Variants in CENPI observed in about 807,000 individuals in gnomAD.
CENPI encodes the protein FSH primary response 1.
Under a neutral mutation model 60.4 loss-of-function variants are expected in CENPI, and 4 were observed. That is an observed-to-expected ratio of 0.07 (90% CI 0.03 to 0.15). The LOEUF is 0.15. Ranked by LOEUF, CENPI falls within the 10% of genes least tolerant of loss-of-function variation. The probability of loss-of-function intolerance (pLI) is 1.00; values close to 1 mark genes in which losing one functional copy is unlikely to be tolerated. For missense variants in CENPI, 444 were observed against 534.5 expected (o/e 0.83, Z 1.67); for synonymous variants, 157 against 189.4 (o/e 0.83, Z 1.40).
At chrX:101,157,146 C>T (rs1371594407) in intron 20 of CENPI, among the ~76,000 whole-genome samples, 2 of 111,536 alleles carry the variant, frequency 1.8e-5, no homozygotes, top group African/African-American at 6.5e-5. Context: ...CCCTTTTCAC[C>T]GCATCCACGC....
rs183870796 is a variant in CENPI at position 101,149,798 on chromosome X, C to T, written c.2094+1637C>T. 2.2e-3 allele frequency among the ~76,000 whole-genome samples: 240 copies of T among 110,790 alleles called. 1 individual carries two copies. Among genetic ancestry groups the T allele is most frequent in the South Asian group, 5.0e-3 (13 of 2,614 alleles). On this transcript the variant is annotated intron_variant, in intron 20 of 21. Transcript: ENST00000682095. ...CTGAGATTATAGGCATGAGCCACCG[C>T]GCCCGGCCAGTGGTGCTTTTTCAAA...
intron 13 of CENPI, among the ~76,000 whole-genome samples, chrX:101,131,850 TG>T (rs1256729550): frequency 3.6e-5 from 4 of 111,961 alleles, no homozygotes; most frequent in Non-Finnish European, 5.6e-5. Context: ...TACATAATAT[TG>T]TATACATTTT....
In CENPI at chrX:101,163,131, C is replaced by A. The variant is rs921422236; in HGVS notation, c.*164C>A. 2.1e-6 allele frequency: 1 copy of A among 477,892 alleles called. No individual in the cohort carries two copies. 39.4% of individuals were successfully genotyped at this position (477,892 alleles called of 1,213,427 possible). ...CATGGCTTAGGAGAGCCTTGGTGTG[C>A]CTAACTGATTTTTCAAAATTTAGAT... is the stretch of plus-strand genomic sequence containing the variant. On this transcript the variant is annotated 3_prime_UTR_variant, in exon 22 of 22. Transcript: ENST00000682095.
At chrX:101,126,559 A>T in intron 8 of CENPI, 150 bp from the exon 9 acceptor site, 1 of 476,400 alleles carries the variant, frequency 2.1e-6, no homozygotes, top group Non-Finnish European at 3.7e-6. Context: ...ATGTCTGGTT[A>T]CTCATTCCTT....
chrX:101,171,997 A>G, the CENPI span, among the ~76,000 whole-genome samples: 9 of 112,065 alleles, frequency 8.0e-5, no homozygotes, highest in South Asian at 3.7e-4. Context: ...AACGGACCAA[A>G]TATCTGAATA....
chrX:101,102,800 C>T (rs757807741), intron 4 of CENPI, among the ~76,000 whole-genome samples: 1 of 108,688 alleles, frequency 9.2e-6, no homozygotes, highest in South Asian at 4.1e-4. Context: ...CTGCCTCAGC[C>T]TCCTGAGTAG....
chrX:101,152,246 G>C (rs770208172), intron 20 of CENPI, among the ~76,000 whole-genome samples: 1 of 108,921 alleles, frequency 9.2e-6, no homozygotes, highest in African/African-American at 3.3e-5. Flanking sequence ...TGTATTTTTA[G>C]TAGAGACGGG....
the CENPI span, among the ~76,000 whole-genome samples, chrX:101,171,756 T>A: frequency 9.0e-6 from 1 of 111,439 alleles, no homozygotes; most frequent in Non-Finnish European, 1.9e-5. Flanking sequence ...AACATAGGAG[T>A]ATATCGTTGT....
At chrX:101,178,405 T>C in the CENPI span, among the ~76,000 whole-genome samples, 5 of 74,284 alleles carry the variant, frequency 6.7e-5, no homozygotes, top group African/African-American at 1.0e-4. Flanking sequence ...CTTCTTTTTT[T>C]TTTTTTTTTT....
At chrX:101,110,229 A>G (rs997604357) in intron 6 of CENPI, among the ~76,000 whole-genome samples, 2 of 112,502 alleles carry the variant, frequency 1.8e-5, no homozygotes, top group African/African-American at 3.2e-5. Context: ...GAAAATTTTT[A>G]TCGTATTTAC....
intron 2 of CENPI, 143 bp from the exon 3 acceptor site, chrX:101,100,915 C>T (rs760824643): frequency 1.0e-4 from 42 of 417,221 alleles, no homozygotes; most frequent in Non-Finnish European, 1.7e-4. Flanking sequence ...GACTTTGTTT[C>T]CTGGATTGTT....
intron 15 of CENPI, among the ~76,000 whole-genome samples, chrX:101,138,270 G>A (rs2089870562): frequency 9.2e-6 from 1 of 108,768 alleles, no homozygotes; most frequent in Non-Finnish European, 1.9e-5. Flanking sequence ...TTACAAGTGT[G>A]GGTCACTGCA....
the CENPI span, among the ~76,000 whole-genome samples, chrX:101,178,361 C>T: frequency 9.6e-6 from 1 of 104,134 alleles, no homozygotes; most frequent in African/African-American, 3.5e-5. Flanking sequence ...CTTGAAGCCC[C>T]TTCCTTAGGA....
intron 2 of CENPI, chrX:101,100,152 A>C (rs1414310603): frequency 1.8e-5 from 2 of 110,831 alleles, no homozygotes; most frequent in Non-Finnish European, 3.8e-5. Context: ...GAGAGCAGAG[A>C]TCTTGATTGT....
chrX:101,181,410 A>T, the CENPI span, among the ~76,000 whole-genome samples: 2 of 112,398 alleles, frequency 1.8e-5, no homozygotes, highest in Non-Finnish European at 3.8e-5. Flanking sequence ...TACTGACTTA[A>T]AACAATTTTA....
In CENPI at chrX:101,135,727, T is replaced by G. The variant is rs772809360; in HGVS notation, c.1470+3271T>G. On this transcript the variant is annotated intron_variant, in intron 15 of 21. Coordinates refer to ENST00000682095, the MANE Select transcript of CENPI (RefSeq NM_001386188.2). The stretch of plus-strand genomic sequence containing the variant: ...TCCATTTGATTTTTGTATATTATGG[T>G]TTTTTTTTTCTTAGATGGAGTCTCG... Among the ~76,000 whole-genome samples the G allele has an allele frequency of 1.0e-4, 11 of 109,196 alleles. No homozygotes were observed. The East Asian group carries it at 2.9e-3, about 28-fold the overall frequency. The allele number at this position is 109,196 out of a possible 115,157, so 94.8% of individuals were successfully genotyped here.
intron 4 of CENPI, 81 bp downstream of exon 4, chrX:101,102,492 T>TAC (rs199742109): frequency 5.6e-5 from 17 of 301,333 alleles, no homozygotes; most frequent in Admixed American, 1.6e-4. Context: ...ATCTTATATA[T>TAC]ATATACACAC....
At chrX:101,135,311 G>A (rs1255763032) in intron 15 of CENPI, among the ~76,000 whole-genome samples, 1 of 110,967 alleles carries the variant, frequency 9.0e-6, no homozygotes, top group Non-Finnish European at 1.9e-5. Context: ...GTGTAACTGA[G>A]GTATTGATGG....
intron 6 of CENPI, among the ~76,000 whole-genome samples, chrX:101,113,514 C>G (rs2089582011): frequency 9.0e-6 from 1 of 110,671 alleles, no homozygotes; most frequent in Admixed American, 9.8e-5. Flanking sequence ...GACAGGGTTT[C>G]TCCAGGTTGG....
Sources: gnomAD v4.1 joint callset for allele counts (sites outside exome capture counted in the v4.1 genomes callset) on GRCh38, gnomAD v4.1.1 for gene constraint, MANE v1.5 for transcripts, NCBI Gene and HGNC (gene_info 2026-07-23, HGNC 2026-07-21) for gene names.